UBE2Z: variants seen among roughly 807,000 people sequenced by gnomAD.
UBE2Z encodes the protein ubiquitin conjugating enzyme E2 Z, also known as ubiquitin-conjugating enzyme E2 Z.
Under a neutral mutation model 32.6 loss-of-function variants are expected in UBE2Z, and 10 were observed. The ratio of observed to expected loss-of-function variants is 0.31; its 90% confidence interval spans 0.19 to 0.52. The LOEUF (loss-of-function observed/expected upper bound fraction) is 0.52. UBE2Z is among the 20% of genes least tolerant of loss of function. The probability of loss-of-function intolerance (pLI) is 0.97; values close to 1 mark genes in which losing one functional copy is unlikely to be tolerated. For synonymous variants in UBE2Z, 183 were observed against 190.8 expected (o/e 0.96, Z 0.34); for missense variants, 343 against 480.9 (o/e 0.71, Z 2.68).
At position 48,908,579 on chromosome 17, in the gene UBE2Z, G is replaced by A; in HGVS notation, c.76G>A (p.Gly26Ser). 8.1e-7 allele frequency: 1 copy of A among 1,240,596 alleles called. No homozygotes were observed. Among genetic ancestry groups the A allele is most frequent in the Non-Finnish European group, 1.0e-6 (1 of 989,334 alleles). 76.8% of individuals were successfully genotyped at this position (1,240,596 alleles called of 1,614,324 possible). A position where few individuals can be genotyped will look rare whatever the true frequency, so the allele number is the denominator to read the frequency against. Residue 26 changes from glycine to serine, a missense_variant, in exon 1 of 7, where the codon GGT becomes AGT. By Grantham distance (56) the Gly-to-Ser change is moderately conservative. Coordinates refer to ENST00000360943, the MANE Select transcript of UBE2Z (RefSeq NM_023079.5). ...AAGPGASSVA[G>S]VVGVSGSGGG... ...GGGCCCCGGGGCGAGCAGCGTTGCT[G>A]GTGTTGTTGGCGTTAGCGGCAGCGG... is the stretch of plus-strand genomic sequence containing the variant.
At chr17:48,913,142 T>C (rs956376268) in intron 3 of UBE2Z, 121 bp downstream of exon 3, 20 of 977,900 alleles carry the variant, frequency 2.0e-5, no homozygotes, top group Non-Finnish European at 2.7e-5. Context: ...GAGTGACTCT[T>C]CTCAAATCTC....
chr17:48,926,575 G>A (rs1309248439), intron 6 of UBE2Z, among the ~76,000 whole-genome samples: 3 of 150,562 alleles, frequency 2.0e-5, no homozygotes, highest in Non-Finnish European at 2.9e-5. Flanking sequence ...TCCGCCTCCC[G>A]GGTTCAAGTG....
chr17:48,911,491 C>T (rs769355479), intron 2 of UBE2Z: 1 of 152,426 alleles, frequency 6.6e-6, no homozygotes, highest in Non-Finnish European at 1.5e-5. Context: ...GAATGCTCTA[C>T]CCACAGAAGT....
At chr17:48,912,785 T>TG (rs764782715) in intron 2 of UBE2Z, 49 bp from the exon 3 acceptor site, 2 of 1,603,690 alleles carry the variant, frequency 1.2e-6, no homozygotes, top group Non-Finnish European at 1.7e-6. Flanking sequence ...CAGGAGGGCT[T>TG]GGGGTGGGTC....
chr17:48,908,837 C>T lies in UBE2Z; in HGVS notation c.317+17C>T, dbSNP rs931675963. On this transcript the variant is annotated intron_variant, in intron 1 of 6. Transcript: ENST00000360943. ...GATCAAGCGGTGAGCCGGGGTTTTT[C>T]CTCCCCCAGCCCCGAGCTCCGGGGC... The T allele has an allele frequency of 6.8e-6, 10 of 1,478,842 alleles. No homozygotes were observed. Among genetic ancestry groups the T allele is most frequent in the Non-Finnish European group, 8.9e-6 (10 of 1,117,710 alleles). 91.6% of individuals were successfully genotyped at this position (1,478,842 alleles called of 1,614,324 possible).
At position 48,919,687 on chromosome 17, in the gene UBE2Z, A is replaced by G. The variant is rs146634120; in HGVS notation, c.691-1473A>G. ...GAGACGGGATCTCACCATGTTGCCA[A>G]TGCTGATCCTGAACTCCTGAACTCA... On this transcript the variant is annotated intron_variant, in intron 4 of 6. Transcript: ENST00000360943. Among the ~76,000 whole-genome samples the G allele has an allele frequency of 4.4e-3, 663 of 152,272 alleles. 9 individuals carry two copies. The highest frequency in any genetic ancestry group is 0.015 in the African/African-American group (621 of 41,544).
At chr17:48,917,824 A>G (rs867256661) in intron 4 of UBE2Z, among the ~76,000 whole-genome samples, 4 of 152,160 alleles carry the variant, frequency 2.6e-5, no homozygotes, top group Non-Finnish European at 5.9e-5. Context: ...TTGGAGCCCA[A>G]CTTCTCCCAC....
At chr17:48,926,860 G>A (rs956200856) in intron 6 of UBE2Z, 104 bp from the exon 7 acceptor site, 1 of 1,299,986 alleles carries the variant, frequency 7.7e-7, no homozygotes, top group African/African-American at 1.5e-5. Context: ...CTGCTCCCAT[G>A]GCTCAGAAGT....
In UBE2Z at chr17:48,916,242, G is replaced by T. The variant is rs11870229; in HGVS notation, c.690+55G>T. ...GTAGACTATTGTTTTTGTTTGTTTG[G>T]TTGGTTGGTTTTTTTGTTTTTTTTT... On this transcript the variant is annotated intron_variant, in intron 4 of 6. Coordinates refer to ENST00000360943, the MANE Select transcript of UBE2Z (RefSeq NM_023079.5). 9.7e-3 allele frequency: 8,423 copies of T among 872,664 alleles called. 84 individuals carry two copies. Among genetic ancestry groups the T allele is most frequent in the Non-Finnish European group, 0.012 (7,169 of 611,618 alleles). 54.1% of individuals were successfully genotyped at this position (872,664 alleles called of 1,614,324 possible).
At position 48,927,261 on chromosome 17, in the gene UBE2Z, C is replaced by A; in HGVS notation, c.*127C>A. 1 of 1,046,570 alleles carries A rather than the reference C, an allele frequency of 9.6e-7. No homozygotes were observed. The highest frequency in any genetic ancestry group is 1.4e-6 in the Non-Finnish European group (1 of 726,204). 64.8% of individuals were successfully genotyped at this position (1,046,570 alleles called of 1,614,324 possible). A position where few individuals can be genotyped will look rare whatever the true frequency, so the allele number is the denominator to read the frequency against. On this transcript the variant is annotated 3_prime_UTR_variant, in exon 7 of 7. Coordinates refer to ENST00000360943, the MANE Select transcript of UBE2Z (RefSeq NM_023079.5). ...AAGTCATCCTGCAAGATGGCAAGAA[C>A]CAAGCAAGCTCCGATCCCAGGGTGT...
Position 48,927,165 on chromosome 17 carries a change from AAG to A in UBE2Z, c.*34_*35del. Reference sequence around the variant, plus strand: ...GCTCCCATCTCCCCTTCCCCCACTCAAGAGTCCCAGCAGAATCCCTTCCCCCC... The same window carrying A: ...GCTCCCATCTCCCCTTCCCCCACTCAAGTCCCAGCAGAATCCCTTCCCCCC... On this transcript the variant is annotated 3_prime_UTR_variant, in exon 7 of 7. Transcript: ENST00000360943. The A allele has an allele frequency of 6.2e-7, 1 of 1,609,682 alleles. No individual in the cohort carries two copies. Among genetic ancestry groups the A allele is most frequent in the Non-Finnish European group, 8.5e-7 (1 of 1,177,424 alleles).
chr17:48,914,174 G>C (rs1406620015), intron 3 of UBE2Z, among the ~76,000 whole-genome samples: 1 of 152,162 alleles, frequency 6.6e-6, no homozygotes, highest in Non-Finnish European at 1.5e-5. Context: ...GCCTTTGGGG[G>C]CTGAAAACTC....
Position 48,916,126 on chromosome 17 carries a change from T to C in UBE2Z, c.629T>C (p.Leu210Pro). The change falls in exon 4 of 7, where the codon CTC (leucine) becomes CCC (proline). Residue 210 changes from leucine (L) to proline (P), a missense_variant. Physicochemically the swap from Leu to Pro is moderately conservative, Grantham distance 98. This residue lies in a region of UBE2Z where 182 missense variants were observed against 312.4 expected (regional missense o/e 0.58). Coordinates refer to ENST00000360943, the MANE Select transcript of UBE2Z (RefSeq NM_023079.5). ...CCAGCCCAGAGCATCTCCTCAGTGC[T>C]CATCTCTATCCAGTCCCTGATGACT... ...WSPAQSISSV[L>P]ISIQSLMTEN... The C allele has an allele frequency of 6.3e-7, 1 of 1,592,406 alleles. No homozygotes were observed. The highest frequency in any genetic ancestry group is 8.5e-7 in the Non-Finnish European group (1 of 1,171,140).
At chr17:48,918,240 C>G (rs916169986) in intron 4 of UBE2Z, among the ~76,000 whole-genome samples, 1 of 152,014 alleles carries the variant, frequency 6.6e-6, no homozygotes, top group Non-Finnish European at 1.5e-5. Flanking sequence ...GCCTGGCCAA[C>G]TTAATTTATT....
At chr17:48,911,232 A>C in intron 2 of UBE2Z, 1 of 236,902 alleles carries the variant, frequency 4.2e-6, no homozygotes, top group Non-Finnish European at 8.5e-6. Flanking sequence ...CTCTTCCCCC[A>C]TCCCGTTACT....
rs74634088 is a variant in UBE2Z, at chr17:48,919,340, G to A, written c.691-1820G>A. On this transcript the variant is annotated intron_variant, in intron 4 of 6. Coordinates refer to ENST00000360943, the MANE Select transcript of UBE2Z (RefSeq NM_023079.5). ...TAATTGACTGGGGTTGGTGGTAAGAGGAGAAGAGCACAGGAAAAATTAAAG... is the reference window on the plus strand; with the variant it reads ...TAATTGACTGGGGTTGGTGGTAAGAAGAGAAGAGCACAGGAAAAATTAAAG... Among the ~76,000 whole-genome samples, 995 of 152,220 alleles carry A rather than the reference G, an allele frequency of 6.5e-3. 9 individuals are homozygous for A. The highest frequency in any genetic ancestry group is 0.062 in the South Asian group (300 of 4,822).
At chr17:48,914,555 C>CTG (rs1373477008) in intron 3 of UBE2Z, among the ~76,000 whole-genome samples, 2 of 152,198 alleles carry the variant, frequency 1.3e-5, no homozygotes, top group Non-Finnish European at 2.9e-5. Flanking sequence ...GTCGTTGCTT[C>CTG]TGTATGAAAT....
intron 5 of UBE2Z, 106 bp downstream of exon 5, chr17:48,921,378 G>C: frequency 4.2e-5 from 35 of 827,676 alleles, no homozygotes; most frequent in Middle Eastern, 3.1e-4. Flanking sequence ...AGAGAAGAAG[G>C]AAAGATGTGG....
chr17:48,921,403 G>A, intron 5 of UBE2Z, 131 bp downstream of exon 5: 1 of 713,442 alleles, frequency 1.4e-6, no homozygotes, highest in Non-Finnish European at 2.3e-6. Context: ...TGCTTTTAAA[G>A]AACAAGTGGC....
Sources: gnomAD v4.1 joint callset for allele counts (sites outside exome capture counted in the v4.1 genomes callset) on GRCh38, gnomAD v4.1.1 for gene constraint, gnomAD v4.1.1 regional missense constraint, MANE v1.5 for transcripts, NCBI Gene and HGNC (gene_info 2026-07-23, HGNC 2026-07-21) for gene names.